SFMBT2: variants seen among roughly 807,000 people sequenced by gnomAD.
SFMBT2 encodes the protein scm-like with four MBT domains protein 2.
A neutral mutation model predicts 110.1 loss-of-function variants in SFMBT2; 38 were observed. That is an observed-to-expected ratio of 0.35 (90% CI 0.27 to 0.45). SFMBT2 has a LOEUF of 0.45. Among genes scored for constraint, SFMBT2 ranks in the 20% least tolerant of loss-of-function variants. The pLI is 1.00. For synonymous variants in SFMBT2, 425 were observed against 425.4 expected (o/e 1.00, Z 0.01); for missense variants, 1,011 against 1,094.9 (o/e 0.92, Z 1.08).
At chr10:7,176,960 T>C (rs1838081827) in intron 16 of SFMBT2, among the ~76,000 whole-genome samples, 1 of 152,006 alleles carries the variant, frequency 6.6e-6, no homozygotes, top group African/African-American at 2.4e-5. Flanking sequence ...CAACGTGAAA[T>C]GGTAATGCCG....
intron 9 of SFMBT2, among the ~76,000 whole-genome samples, chr10:7,235,764 G>A (rs555668136): frequency 6.6e-6 from 1 of 152,282 alleles, no homozygotes; most frequent in Non-Finnish European, 1.5e-5. Flanking sequence ...TGAGGATATA[G>A]AATATCTGAA....
intron 15 of SFMBT2, among the ~76,000 whole-genome samples, chr10:7,190,018 T>C (rs1310018276): frequency 6.6e-6 from 1 of 152,210 alleles, no homozygotes; most frequent in Non-Finnish European, 1.5e-5. Context: ...CTTTCTCAAG[T>C]TGTAACTAAG....
At chr10:7,362,503 G>T (rs1202665060) in intron 4 of SFMBT2, among the ~76,000 whole-genome samples, 1 of 152,168 alleles carries the variant, frequency 6.6e-6, no homozygotes, top group African/African-American at 2.4e-5. Context: ...TCAATGCAGT[G>T]ACTCCAGTTA....
rs780266353 is a variant in SFMBT2, at chr10:7,284,026, C to T, written c.650G>A (p.Arg217His). The part of the protein sequence containing the change: ...SVIENVGGRL[R>H]LRYVGLEDTE... ...GTCCTCCAATCCCACATAGCGAAGG[C>T]GTAATCTTCCTCCAACATTTTCAAT... The change falls in exon 6 of 21, where the codon CGC (arginine) becomes CAC (histidine). Residue 217 changes from arginine (R) to histidine (H), a missense_variant. Physicochemically the swap from Arg to His is conservative, Grantham distance 29. Coordinates refer to ENST00000397167, the MANE Select transcript of SFMBT2 (RefSeq NM_001387889.1). The T allele has an allele frequency of 2.5e-6, 4 of 1,614,048 alleles. No individual in the cohort carries two copies. The highest frequency in any genetic ancestry group is 2.2e-5 in the South Asian group (2 of 91,076).
chr10:7,201,133 T>C (rs1169297163), intron 13 of SFMBT2, among the ~76,000 whole-genome samples: 1 of 152,206 alleles, frequency 6.6e-6, no homozygotes, highest in Non-Finnish European at 1.5e-5. Flanking sequence ...AGAAACCACA[T>C]GGTTGAAAAG....
chr10:7,230,495 G>A (rs1840085762), intron 9 of SFMBT2, among the ~76,000 whole-genome samples: 2 of 152,182 alleles, frequency 1.3e-5, no homozygotes, highest in African/African-American at 2.4e-5. Context: ...AAACGGAGAA[G>A]TTTCTTAACA....
chr10:7,333,435 C>T (rs1001313465), intron 4 of SFMBT2, among the ~76,000 whole-genome samples: 1 of 148,714 alleles, frequency 6.7e-6, no homozygotes, highest in African/African-American at 2.5e-5. Flanking sequence ...CTTTGATACC[C>T]AGGCTGGAGT....
At chr10:7,256,292 T>G (rs1388120565) in intron 7 of SFMBT2, among the ~76,000 whole-genome samples, 3 of 152,164 alleles carry the variant, frequency 2.0e-5, no homozygotes, top group Non-Finnish European at 4.4e-5. Context: ...AAATCAATAA[T>G]TAGTACAAGC....
chr10:7,363,009 A>G (rs984975088), intron 4 of SFMBT2, among the ~76,000 whole-genome samples: 2 of 152,198 alleles, frequency 1.3e-5, no homozygotes, highest in African/African-American at 4.8e-5. Context: ...TAGACATTTC[A>G]GACTAGAAAG....
Position 7,170,039 on chromosome 10 carries a change from G to A in SFMBT2, c.2544+889C>T, listed in dbSNP as rs192114295. Among the ~76,000 whole-genome samples the A allele has an allele frequency of 1.3e-4, 20 of 152,276 alleles. No homozygotes were observed. The highest frequency in any genetic ancestry group is 4.8e-4 in the African/African-American group (20 of 41,554). On this transcript the variant is annotated intron_variant, in intron 20 of 20. Transcript: ENST00000397167. The surrounding 1 kb of genome is among the most constrained non-coding windows in gnomAD (Gnocchi z 4.6). ...AGCCAGCGGGCTTCTGCTCTGGGCA[G>A]GCCAGGTGGATACACTGTTCCCTCC...
intron 9 of SFMBT2, among the ~76,000 whole-genome samples, chr10:7,233,411 T>C (rs1246173239): frequency 6.6e-6 from 1 of 152,206 alleles, no homozygotes; most frequent in Non-Finnish European, 1.5e-5. Flanking sequence ...AAGAAGGCTC[T>C]GAAGATCTCA....
At chr10:7,346,095 G>A (rs748748832) in intron 4 of SFMBT2, among the ~76,000 whole-genome samples, 5 of 152,110 alleles carry the variant, frequency 3.3e-5, no homozygotes, top group South Asian at 2.1e-4. Flanking sequence ...CAAGATTAAC[G>A]TCCAAGCAGC....
rs572727462 is a variant in SFMBT2, at chr10:7,172,399, A to T, written c.2151+96T>A. 140 of 1,578,232 alleles carry T rather than the reference A, an allele frequency of 8.9e-5. No individual in the cohort carries two copies. The highest frequency in any genetic ancestry group is 1.1e-4 in the Non-Finnish European group (133 of 1,164,164). ...CAGTGTTTCTGACCATCTTGCCACA[A>T]TCTCCAGGGCCACCTCTGCTGTGAA... On this transcript the variant is annotated intron_variant, in intron 18 of 20. Transcript: ENST00000397167. This position sits in a 1 kb window ranked among gnomAD's most constrained non-coding sequence, Gnocchi z 4.6.
chr10:7,393,229 C>T (rs1452333853), intron 1 of SFMBT2, among the ~76,000 whole-genome samples: 1 of 151,620 alleles, frequency 6.6e-6, no homozygotes, highest in East Asian at 1.9e-4. Flanking sequence ...CGGCATTTTG[C>T]CATGTTGGTC....
rs957586343 is a variant in SFMBT2 at position 7,265,284 on chromosome 10, C to T, written c.870+11608G>A. ...TGGCACAATCTCAGCTCACTGCAAC[C>T]TCCGCCTCCCGGGTTCAAGTGATTC... On this transcript the variant is annotated intron_variant, in intron 7 of 20. Coordinates refer to ENST00000397167, the MANE Select transcript of SFMBT2 (RefSeq NM_001387889.1). Among the ~76,000 whole-genome samples the T allele has an allele frequency of 3.9e-5, 6 of 151,948 alleles. 1 individual carries two copies. The highest frequency in any genetic ancestry group is 1.5e-4 in the African/African-American group (6 of 41,344).
intron 1 of SFMBT2, among the ~76,000 whole-genome samples, chr10:7,392,146 C>T (rs950416211): frequency 6.6e-6 from 1 of 152,148 alleles, no homozygotes; most frequent in Non-Finnish European, 1.5e-5. Flanking sequence ...CTCTCAAGTC[C>T]GCTAAGCTGG....
At chr10:7,402,174 A>G (rs965164452) in intron 1 of SFMBT2, among the ~76,000 whole-genome samples, 3 of 152,144 alleles carry the variant, frequency 2.0e-5, no homozygotes, top group Admixed American at 6.5e-5. Flanking sequence ...ATAGGAAAAA[A>G]TAAAAATGAC....
intron 20 of SFMBT2, chr10:7,164,354 C>T (rs906796565): frequency 4.4e-6 from 4 of 916,208 alleles, no homozygotes; most frequent in African/African-American, 3.6e-5. Context: ...CCACTGCCCT[C>T]CAGCCTGGGC....
chr10:7,168,282 G>A (rs1175636575), intron 20 of SFMBT2, among the ~76,000 whole-genome samples: 1 of 152,210 alleles, frequency 6.6e-6, no homozygotes. Context: ...TGTACACAGT[G>A]TAGACAGACA....
Sources: gnomAD v4.1 joint callset for allele counts (sites outside exome capture counted in the v4.1 genomes callset) on GRCh38, gnomAD v4.1.1 for gene constraint, Gnocchi (gnomAD v3.1) non-coding constraint, MANE v1.5 for transcripts, NCBI Gene and HGNC (gene_info 2026-07-23, HGNC 2026-07-21) for gene names.